DIP2C: variants seen among roughly 807,000 people sequenced by gnomAD.
DIP2C encodes the protein DIP2 acetate--CoA ligase C (putative).
In DIP2C, 33 loss-of-function variants were observed where a neutral mutation model predicts 192.4. That is an observed-to-expected ratio of 0.17 (90% CI 0.13 to 0.23). The LOEUF is 0.23. Among genes scored for constraint, DIP2C ranks in the 10% least tolerant of loss-of-function variants. The pLI is 1.00. For missense variants in DIP2C, 1,537 were observed against 2,110.1 expected (o/e 0.73, Z 5.32); for synonymous variants, 979 against 864.1 (o/e 1.13, Z -2.33).
intron 32 of DIP2C, among the ~76,000 whole-genome samples, chr10:290,879 C>G (rs141533188): frequency 6.6e-6 from 1 of 152,228 alleles, no homozygotes; most frequent in African/African-American, 2.4e-5. Context: ...GAGATCCTGT[C>G]GCTGGCCGGA....
intron 1 of DIP2C, among the ~76,000 whole-genome samples, chr10:514,748 C>CCGTATCAA (rs1307795227): frequency 6.6e-6 from 1 of 152,064 alleles, no homozygotes; most frequent in Non-Finnish European, 1.5e-5. Context: ...TGGAGGATGC[C>CCGTATCAA]CGTATCAACG....
chr10:387,250 G>A (rs922758432), intron 14 of DIP2C, among the ~76,000 whole-genome samples: 4 of 152,216 alleles, frequency 2.6e-5, no homozygotes, highest in African/African-American at 7.2e-5. Context: ...CTCAATCCAC[G>A]TGTCCAAGAC....
intron 1 of DIP2C, among the ~76,000 whole-genome samples, chr10:531,679 T>C (rs1847379492): frequency 6.6e-6 from 1 of 152,092 alleles, no homozygotes. Flanking sequence ...TAAGGAATTC[T>C]TGGCCTGTCC....
chr10:465,970 G>C (rs1007298315), intron 3 of DIP2C, among the ~76,000 whole-genome samples: 2 of 152,076 alleles, frequency 1.3e-5, no homozygotes, highest in Admixed American at 6.5e-5. Context: ...TGCCCAAGGT[G>C]ATTTACAGAT....
intron 29 of DIP2C, among the ~76,000 whole-genome samples, chr10:334,761 C>A (rs1293969756): frequency 2.0e-5 from 3 of 152,156 alleles, no homozygotes; most frequent in Non-Finnish European, 4.4e-5. Context: ...TATTTCTGGA[C>A]TCTCAATTCT....
intron 4 of DIP2C, among the ~76,000 whole-genome samples, chr10:435,996 TTTA>T (rs1023318572): frequency 4.0e-5 from 6 of 151,860 alleles, no homozygotes; most frequent in Non-Finnish European, 8.8e-5. Context: ...TACAATTAAT[TTTA>T]TTAATATACT....
At chr10:551,790 T>C (rs1848602746) in intron 1 of DIP2C, among the ~76,000 whole-genome samples, 2 of 152,198 alleles carry the variant, frequency 1.3e-5, no homozygotes. Flanking sequence ...TCCAGGCTCC[T>C]CAGAGCCAGG....
intron 3 of DIP2C, among the ~76,000 whole-genome samples, chr10:471,689 A>C (rs1258826806): frequency 6.6e-6 from 1 of 152,122 alleles, no homozygotes; most frequent in African/African-American, 2.4e-5. Context: ...TAAAGAAGCA[A>C]CTTTAACCTA....
At chr10:565,354 TAAA>T (rs59721670) in intron 1 of DIP2C, among the ~76,000 whole-genome samples, 6 of 114,110 alleles carry the variant, frequency 5.3e-5, no homozygotes, top group Admixed American at 8.7e-5. Context: ...ACCTGCATTC[TAAA>T]AAAAAAAAAA....
intron 4 of DIP2C, among the ~76,000 whole-genome samples, chr10:437,125 G>A (rs549890423): frequency 4.9e-4 from 44 of 89,170 alleles, no homozygotes; most frequent in Non-Finnish European, 5.9e-4. Flanking sequence ...GATATGCTCC[G>A]TCCACACCTG....
chr10:483,613 C>G (rs546163741), intron 2 of DIP2C, among the ~76,000 whole-genome samples: 2 of 152,202 alleles, frequency 1.3e-5, no homozygotes, highest in African/African-American at 2.4e-5. Context: ...AAATGGACCT[C>G]GTGGCTAAAA....
chr10:411,309 T>C (rs963091560), intron 8 of DIP2C, among the ~76,000 whole-genome samples: 2 of 152,214 alleles, frequency 1.3e-5, no homozygotes, highest in South Asian at 2.1e-4. Flanking sequence ...ACCAGAGAGC[T>C]GCTGTGAGGC....
chr10:312,324 A>G (rs747103064), intron 31 of DIP2C, among the ~76,000 whole-genome samples: 8 of 152,230 alleles, frequency 5.3e-5, no homozygotes, highest in Non-Finnish European at 8.8e-5. Flanking sequence ...CCTTGGATGC[A>G]AGGTATTTTT....
intron 1 of DIP2C, among the ~76,000 whole-genome samples, chr10:601,904 T>C (rs1451068698): frequency 6.6e-6 from 1 of 152,100 alleles, no homozygotes; most frequent in East Asian, 1.9e-4. Flanking sequence ...GGAACCAAGA[T>C]TTGGCTAACA....
intron 1 of DIP2C, among the ~76,000 whole-genome samples, chr10:587,333 C>G (rs1051718977): frequency 2.6e-5 from 4 of 152,212 alleles, no homozygotes; most frequent in Admixed American, 6.5e-5. Context: ...CTCCAAGTTC[C>G]GCGTCAGTAA....
chr10:459,255 A>G (rs1330358503), intron 3 of DIP2C, among the ~76,000 whole-genome samples: 2 of 152,094 alleles, frequency 1.3e-5, no homozygotes, highest in South Asian at 2.1e-4. Flanking sequence ...TCAGGAGACA[A>G]AGAGTCAACA....
rs1305422846 is a variant in DIP2C at position 281,271 on chromosome 10, C to T, written c.4347G>A (p.Leu1449=). ...CGATTGGGTGGTACCGCATGCCCCG[C>T]AGCTCCATGGCTTCGTCCAGTGCCC... ...VVGALDEAME[L]RGMRYHPIDI... is the part of the protein sequence containing the mutation. The change falls in exon 36 of 37, where the codon CTG becomes CTA. Residue 1449 remains leucine, a synonymous_variant. Transcript: ENST00000280886. 1.9e-6 allele frequency: 3 copies of T among 1,614,084 alleles called. No homozygotes were observed. The African/African-American group carries it at 4.0e-5, about 22-fold the overall frequency.
intron 1 of DIP2C, among the ~76,000 whole-genome samples, chr10:511,880 C>A (rs78713315): frequency 5.3e-5 from 8 of 152,240 alleles, no homozygotes; most frequent in Non-Finnish European, 8.8e-5. Flanking sequence ...CTGTGTGACA[C>A]GATAACACCG....
chr10:592,282 A>G (rs1046024316), intron 1 of DIP2C, among the ~76,000 whole-genome samples: 5 of 152,220 alleles, frequency 3.3e-5, no homozygotes, highest in Non-Finnish European at 5.9e-5. Context: ...AAGGCGTGAC[A>G]GTTTGTGTGG....
Sources: gnomAD v4.1 joint callset for allele counts (sites outside exome capture counted in the v4.1 genomes callset) on GRCh38, gnomAD v4.1.1 for gene constraint, MANE v1.5 for transcripts, NCBI Gene and HGNC (gene_info 2026-07-23, HGNC 2026-07-21) for gene names.